Variants in EXTL3 observed in about 807,000 individuals in gnomAD.
The protein encoded by EXTL3 is exostosin-like 3.
EXTL3 carries 27 observed loss-of-function variants against 69.3 expected under a neutral mutation model. That is an observed-to-expected ratio of 0.39 (90% CI 0.29 to 0.54). The LOEUF (loss-of-function observed/expected upper bound fraction) is 0.54, where lower values mean the gene tolerates loss of function less well. Ranked by LOEUF, EXTL3 falls within the 20% of genes least tolerant of loss-of-function variation. EXTL3 has a pLI of 0.69. For synonymous variants in EXTL3, 511 were observed against 499.4 expected (o/e 1.02, Z -0.31); for missense variants, 1,003 against 1,231.8 (o/e 0.81, Z 2.78).
intron 1 of EXTL3, among the ~76,000 whole-genome samples, chr8:28,687,632 T>G (rs772722165): frequency 6.6e-6 from 1 of 152,226 alleles, no homozygotes; most frequent in Non-Finnish European, 1.5e-5. Context: ...AAGGAAGGTC[T>G]GGGCTAAAGA....
Position 28,685,553 on chromosome 8 carries a change from C to T in EXTL3, c.-52-27904C>T, listed in dbSNP as rs973870690. Among the ~76,000 whole-genome samples, 77 of 151,946 alleles carry T rather than the reference C, an allele frequency of 5.1e-4. 1 individual carries two copies. Among genetic ancestry groups the T allele is most frequent in the African/African-American group, 1.6e-3 (65 of 41,360 alleles). ...TCATAACTCACTGTAATCTTGAGCT[C>T]CTGGGCTCAAGTGATCCTCCTGCCT... On this transcript the variant is annotated intron_variant, in intron 1 of 6. Coordinates refer to the EXTL3 transcript ENST00000523149.
Position 28,751,427 on chromosome 8 carries a change from A to C in EXTL3, c.*561A>C, listed in dbSNP as rs1802001556. On this transcript the variant is annotated 3_prime_UTR_variant, in exon 7 of 7. Transcript: ENST00000220562. ...GGCTTATCCTTAAAGATCATCTCCC[A>C]TCCTCCCCAGCGCCATCTGTGTGCA... The C allele has an allele frequency of 6.4e-6, 1 of 155,880 alleles. No individual in the cohort carries two copies. Among genetic ancestry groups the C allele is most frequent in the Non-Finnish European group, 1.4e-5 (1 of 70,298 alleles). 9.7% of individuals were successfully genotyped at this position (155,880 alleles called of 1,614,324 possible). A position where few individuals can be genotyped will look rare whatever the true frequency, so the allele number is the denominator to read the frequency against.
At chr8:28,630,874 A>T (rs1268089338) in intron 1 of EXTL3, among the ~76,000 whole-genome samples, 1 of 152,252 alleles carries the variant, frequency 6.6e-6, no homozygotes, top group Non-Finnish European at 1.5e-5. Flanking sequence ...AAATGTATGC[A>T]GAAAGAAGGA....
chr8:28,750,647 C>T lies in EXTL3; in HGVS notation c.2551-10C>T, dbSNP rs763041038. ...GGGATTCCCACTCTGTCTCTCTCTCCCGTTTCCAGGTGACCTCACGGTGGA... is the reference window on the plus strand; with the variant it reads ...GGGATTCCCACTCTGTCTCTCTCTCTCGTTTCCAGGTGACCTCACGGTGGA... On this transcript the variant is annotated splice_polypyrimidine_tract_variant and intron_variant, in intron 6 of 6. Coordinates refer to ENST00000220562, the MANE Select transcript of EXTL3 (RefSeq NM_001440.4). The surrounding 1 kb of genome is among the most constrained non-coding windows in gnomAD (Gnocchi z 5.2). The T allele has an allele frequency of 1.2e-6, 2 of 1,612,274 alleles. No individual in the cohort carries two copies. The highest frequency in any genetic ancestry group is 1.7e-6 in the Non-Finnish European group (2 of 1,178,384).
At chr8:28,692,108 T>C (rs240931) in intron 1 of EXTL3, among the ~76,000 whole-genome samples, 39,357 of 152,058 alleles carry the variant, frequency 0.26, 5,141 homozygotes, top group Middle Eastern at 0.33. Flanking sequence ...TCTAAATACC[T>C]CTTCACTTTA....
At chr8:28,679,265 G>T (rs902730960) in intron 1 of EXTL3, among the ~76,000 whole-genome samples, 1 of 152,080 alleles carries the variant, frequency 6.6e-6, no homozygotes, top group Non-Finnish European at 1.5e-5. Context: ...GGCTAACATG[G>T]TGAAATCCCG....
In EXTL3 at chr8:28,750,709, A is replaced by T; in HGVS notation, c.2603A>T (p.His868Leu). 1 of 1,614,170 alleles carries T rather than the reference A, an allele frequency of 6.2e-7. No homozygotes were observed. The highest frequency in any genetic ancestry group is 8.5e-7 in the Non-Finnish European group (1 of 1,180,024). Residue 868 changes from histidine (H) to leucine (L), a missense_variant, in exon 7 of 7, where the codon CAT becomes CTT. Transcript: ENST00000220562. This position sits in a 1 kb window ranked among gnomAD's most constrained non-coding sequence, Gnocchi z 5.2. ...CCAGGATGCCCTCAGGCCCTGTCTC[A>T]TGATGACTCCCACTTCCACGAGCGG... ...RCPGCPQALS[H>L]DDSHFHERHK...
chr8:28,689,041 A>G (rs981056967), intron 1 of EXTL3, among the ~76,000 whole-genome samples: 1 of 152,268 alleles, frequency 6.6e-6, no homozygotes, highest in Admixed American at 6.5e-5. Flanking sequence ...TCTCCTTCTT[A>G]TGGTTTCTTT....
At chr8:28,653,886 T>A (rs1226266295) in intron 1 of EXTL3, among the ~76,000 whole-genome samples, 2 of 152,226 alleles carry the variant, frequency 1.3e-5, no homozygotes, top group East Asian at 3.8e-4. Flanking sequence ...TAATTCTTTA[T>A]GAATTTTAGA....
intron 1 of EXTL3, among the ~76,000 whole-genome samples, chr8:28,657,539 G>A (rs1374752766): frequency 6.6e-6 from 1 of 152,130 alleles, no homozygotes; most frequent in African/African-American, 2.4e-5. Flanking sequence ...ACATTCTTAT[G>A]CTGTCCATCT....
intron 2 of EXTL3, among the ~76,000 whole-genome samples, chr8:28,616,413 C>T (rs749445799): frequency 6.6e-6 from 1 of 152,086 alleles, no homozygotes. Context: ...ATCATGAGGT[C>T]AGGAGATCGA....
chr8:28,718,015 A>G lies in EXTL3; in HGVS notation c.1956A>G (p.Ala652=), dbSNP rs373139263. The change falls in exon 3 of 7, where the codon GCA becomes GCG. Residue 652 remains alanine, a synonymous_variant. Transcript: ENST00000220562. ...GAGGSGKEFQ[A]ALGGNVPREQ... ...GGGGTTCTGGCAAGGAATTTCAGGC[A>G]GCGCTTGGAGGCAATGTTCCCCGAG... The G allele has an allele frequency of 1.5e-5, 24 of 1,613,610 alleles. No homozygotes were observed. Among genetic ancestry groups the G allele is most frequent in the Non-Finnish European group, 1.9e-5 (22 of 1,179,908 alleles).
intron 1 of EXTL3, among the ~76,000 whole-genome samples, chr8:28,690,342 A>G (rs1235512850): frequency 6.6e-6 from 1 of 152,080 alleles, no homozygotes; most frequent in African/African-American, 2.4e-5. Flanking sequence ...CCTCTCAAGT[A>G]GCTGGGATTA....
intron 1 of EXTL3, among the ~76,000 whole-genome samples, chr8:28,703,829 A>G (rs954058052): frequency 1.3e-5 from 2 of 152,222 alleles, no homozygotes; most frequent in Non-Finnish European, 2.9e-5. Flanking sequence ...AACTTCTATT[A>G]ACATATTTCT....
chr8:28,745,200 A>G (rs796209801), intron 6 of EXTL3, among the ~76,000 whole-genome samples: 25 of 152,300 alleles, frequency 1.6e-4, no homozygotes, highest in African/African-American at 5.5e-4. Context: ...GTAGTGAGAA[A>G]GAAGTCGTAG....
Position 28,716,582 on chromosome 8 carries a change from C to G in EXTL3, c.523C>G (p.Arg175Gly), listed in dbSNP as rs148681587. The G allele has an allele frequency of 1.2e-6, 2 of 1,614,086 alleles. No individual in the cohort carries two copies. Among genetic ancestry groups the G allele is most frequent in the Non-Finnish European group, 8.5e-7 (1 of 1,180,036 alleles). Residue 175 changes from arginine (R) to glycine (G), a missense_variant, in exon 3 of 7, where the codon CGG becomes GGG. This residue lies in a region of EXTL3 where 742 missense variants were observed against 815.4 expected (regional missense o/e 0.91). Transcript: ENST00000220562. The surrounding 1 kb of genome is among the most constrained non-coding windows in gnomAD (Gnocchi z 7.1). ...CGGCCTCCCTCCCCCGAAGGCCACT[C>G]GGGGCTGCCGGCTACACAACTGCTT... ...DAGLPPPKAT[R>G]GCRLHNCFDY...
intron 6 of EXTL3, among the ~76,000 whole-genome samples, chr8:28,749,882 T>C (rs961073463): frequency 2.0e-5 from 3 of 152,146 alleles, no homozygotes; most frequent in Non-Finnish European, 2.9e-5. Context: ...CTTGTGGAGA[T>C]GAGGTTTTGC....
chr8:28,709,053 G>A (rs967560733), intron 1 of EXTL3, among the ~76,000 whole-genome samples: 1 of 152,098 alleles, frequency 6.6e-6, no homozygotes, highest in Non-Finnish European at 1.5e-5. Context: ...GTGCCTGCTC[G>A]CACTCTTACT....
At chr8:28,688,881 C>G (rs571909032) in intron 1 of EXTL3, among the ~76,000 whole-genome samples, 1 of 152,112 alleles carries the variant, frequency 6.6e-6, no homozygotes, top group Non-Finnish European at 1.5e-5. Context: ...TGTCAAGGGC[C>G]GGAAGAGATG....
Sources: gnomAD v4.1 joint callset for allele counts (sites outside exome capture counted in the v4.1 genomes callset) on GRCh38, gnomAD v4.1.1 for gene constraint, gnomAD v4.1.1 regional missense constraint, Gnocchi (gnomAD v3.1) non-coding constraint, MANE v1.5 for transcripts, NCBI Gene and HGNC (gene_info 2026-07-23, HGNC 2026-07-21) for gene names.